Variants in PDE1C observed in about 807,000 individuals in gnomAD.
PDE1C encodes phosphodiesterase 1C.
PDE1C carries 62 observed loss-of-function variants against 93.1 expected under a neutral mutation model. The observed-to-expected ratio is 0.67, with a 90% confidence interval of 0.54 to 0.82. PDE1C has a LOEUF of 0.82. PDE1C is among the 40% of genes least tolerant of loss of function. The probability of loss-of-function intolerance (pLI) is 0.00; values close to 1 mark genes in which losing one functional copy is unlikely to be tolerated. For synonymous variants in PDE1C, 325 were observed against 310.1 expected (o/e 1.05, Z -0.50); for missense variants, 742 against 884.6 (o/e 0.84, Z 2.04).
chr7:31,886,869 C>CAGAATA (rs1421145169), intron 2 of PDE1C, among the ~76,000 whole-genome samples: 6 of 150,124 alleles, frequency 4.0e-5, no homozygotes, highest in East Asian at 1.9e-4. Flanking sequence ...TAGATCTATT[C>CAGAATA]GGATCTATTC....
In PDE1C at chr7:32,171,472, C is replaced by A. The variant is rs538582536; in HGVS notation, c.137-1516G>T. On this transcript the variant is annotated intron_variant, in intron 2 of 18. Coordinates refer to the PDE1C transcript ENST00000396193. ...CATTATTCCCTAAATAATACAATAA[C>A]TATTTACTTAATATTATTATTTTAC... Among the ~76,000 whole-genome samples, 5 of 149,070 alleles carry A rather than the reference C, an allele frequency of 3.4e-5. No homozygotes were observed. The South Asian group carries it at 1.1e-3, about 32-fold the overall frequency.
At chr7:31,649,980 A>T in the PDE1C span, among the ~76,000 whole-genome samples, 1 of 152,172 alleles carries the variant, frequency 6.6e-6, no homozygotes, top group Non-Finnish European at 1.5e-5. Flanking sequence ...GGCTCAGTAG[A>T]GTCAGAAAAG....
At chr7:32,348,356 C>CTTTTTT (rs59148183) in intron 1 of PDE1C, among the ~76,000 whole-genome samples, 5 of 57,314 alleles carry the variant, frequency 8.7e-5, no homozygotes, top group Non-Finnish European at 1.3e-4. Context: ...AACAAATGTG[C>CTTTTTT]TTTTTTTTTT....
chr7:31,648,415 CTTT>C, the PDE1C span, among the ~76,000 whole-genome samples: 2 of 152,034 alleles, frequency 1.3e-5, no homozygotes, highest in Non-Finnish European at 2.9e-5. Context: ...CTACAGTTTT[CTTT>C]ATTATGAAAT....
At chr7:32,153,258 A>G (rs1801369871) in intron 3 of PDE1C, among the ~76,000 whole-genome samples, 1 of 152,186 alleles carries the variant, frequency 6.6e-6, no homozygotes, top group Non-Finnish European at 1.5e-5. Flanking sequence ...CTAAAATGGC[A>G]TGGACATATG....
intron 2 of PDE1C, among the ~76,000 whole-genome samples, chr7:31,976,054 C>G (rs1563131375): frequency 6.6e-6 from 1 of 152,210 alleles, no homozygotes; most frequent in Non-Finnish European, 1.5e-5. Context: ...AAATACTAAA[C>G]TCTGCTTAGA....
intron 1 of PDE1C, among the ~76,000 whole-genome samples, chr7:32,343,831 A>G (rs1783803624): frequency 6.6e-6 from 1 of 150,708 alleles, no homozygotes; most frequent in Admixed American, 6.6e-5. Context: ...CAGTATTTTT[A>G]TCTTTCTTGG....
intron 1 of PDE1C, among the ~76,000 whole-genome samples, chr7:32,366,162 A>G (rs1171574623): frequency 6.6e-6 from 1 of 152,232 alleles, no homozygotes; most frequent in Non-Finnish European, 1.5e-5. Context: ...AAGAGAATAC[A>G]GATAGACAAT....
intron 1 of PDE1C, among the ~76,000 whole-genome samples, chr7:32,409,537 A>T (rs1785123291): frequency 6.6e-6 from 1 of 152,174 alleles, no homozygotes; most frequent in South Asian, 2.1e-4. Context: ...AATGCAACAG[A>T]ACATTAAAGT....
At chr7:31,997,446 C>G (rs182291621) in intron 2 of PDE1C, among the ~76,000 whole-genome samples, 16 of 152,280 alleles carry the variant, frequency 1.1e-4, no homozygotes, top group African/African-American at 3.6e-4. Flanking sequence ...AGCCCTAATG[C>G]CCTTGAAGCA....
chr7:31,878,266 A>G (rs889642728), intron 4 of PDE1C, among the ~76,000 whole-genome samples: 2 of 152,066 alleles, frequency 1.3e-5, no homozygotes, highest in African/African-American at 4.8e-5. Flanking sequence ...AAAAAACCTA[A>G]CTCTATAGGC....
intron 11 of PDE1C, among the ~76,000 whole-genome samples, chr7:31,836,368 C>T (rs970225049): frequency 2.6e-5 from 4 of 152,024 alleles, no homozygotes; most frequent in Admixed American, 2.0e-4. Flanking sequence ...CAGAGTCTCG[C>T]GCTGTCGCCA....
At position 31,952,011 on chromosome 7, in the gene PDE1C, C is replaced by T. The variant is rs1321116398; in HGVS notation, c.129-71151G>A. Among the ~76,000 whole-genome samples, 3 of 152,170 alleles carry T rather than the reference C, an allele frequency of 2.0e-5. No homozygotes were observed. The East Asian group carries it at 5.8e-4, about 29-fold the overall frequency. ...TGCTTACTATGTACCAGGAACTGTA[C>T]TAAGTACTTTCCTTACATTACTTCA... On this transcript the variant is annotated intron_variant, in intron 2 of 17. Coordinates refer to ENST00000396191, the MANE Select transcript of PDE1C (RefSeq NM_001191057.4).
chr7:32,219,861 T>G (rs1429719213), intron 1 of PDE1C, among the ~76,000 whole-genome samples: 2 of 152,210 alleles, frequency 1.3e-5, no homozygotes, highest in Non-Finnish European at 2.9e-5. Context: ...AGTTGCAGCT[T>G]CCATAATTCC....
chr7:32,341,196 GAC>G lies in PDE1C; in HGVS notation c.310+86624_310+86625del, dbSNP rs1562682266. On this transcript the variant is annotated intron_variant, in intron 1 of 1. Transcript: ENST00000672256. Reference sequence around the variant, plus strand: ...GTCTTTTTTTTTTTTTTTTTTTTGAGACGGAGTCTCGCTCTGTCGCCCAGGCT... The same window carrying G: ...GTCTTTTTTTTTTTTTTTTTTTTGAGGGAGTCTCGCTCTGTCGCCCAGGCT... Among the ~76,000 whole-genome samples the G allele has an allele frequency of 8.7e-3, 267 of 30,736 alleles. 3 individuals carry two copies. The highest frequency in any genetic ancestry group is 0.018 in the African/African-American group (258 of 14,570). The allele number at this position is 30,736 out of a possible 152,430, so 20.2% of individuals were successfully genotyped here.
At chr7:32,421,159 G>A (rs1052555440) in intron 1 of PDE1C, among the ~76,000 whole-genome samples, 1 of 152,070 alleles carries the variant, frequency 6.6e-6, no homozygotes, top group African/African-American at 2.4e-5. Context: ...ATAACACTAA[G>A]GATGACATAA....
intron 2 of PDE1C, among the ~76,000 whole-genome samples, chr7:31,930,471 G>A (rs185033381): frequency 0.015 from 2,238 of 152,138 alleles, 43 homozygotes; most frequent in African/African-American, 0.051. Flanking sequence ...GAAAATTTCA[G>A]GCCAATATTT....
intron 3 of PDE1C, among the ~76,000 whole-genome samples, chr7:32,148,392 C>T (rs1801038606): frequency 6.6e-6 from 1 of 151,988 alleles, no homozygotes; most frequent in Admixed American, 6.6e-5. Context: ...CCTTAGAAAT[C>T]AGTGTGTAAT....
At chr7:32,198,856 G>A (rs1303024174) in intron 2 of PDE1C, among the ~76,000 whole-genome samples, 1 of 152,254 alleles carries the variant, frequency 6.6e-6, no homozygotes, top group East Asian at 1.9e-4. Flanking sequence ...AGTGGTTCAT[G>A]CCTATAACCC....
Sources: allele counts gnomAD v4.1 joint callset (sites outside exome capture counted in the v4.1 genomes callset), GRCh38; gene constraint gnomAD v4.1.1; transcripts MANE v1.5; gene names NCBI Gene and HGNC (gene_info 2026-07-23, HGNC 2026-07-21).